The following RAB27B variants were observed in gnomAD, a reference collection of about 807,000 sequenced individuals.
RAB27B encodes ras-related protein Rab-27B.
Under a neutral mutation model 24.6 loss-of-function variants are expected in RAB27B, and 15 were observed. The ratio of observed to expected loss-of-function variants is 0.61; its 90% CI spans 0.41 to 0.94. The LOEUF is 0.94. Among genes scored for constraint, RAB27B ranks in the 40% least tolerant of loss-of-function variants. RAB27B has a pLI of 0.00. For synonymous variants in RAB27B, 105 were observed against 92.5 expected, an observed-to-expected ratio of 1.14 and a Z score of -0.78; for missense variants, 261 against 266.8, an observed-to-expected ratio of 0.98 and a Z score of 0.15.
At chr18:54,807,276 T>A (rs1909821388) in intron 2 of RAB27B, among the ~76,000 whole-genome samples, 1 of 152,206 alleles carries the variant, frequency 6.6e-6, no homozygotes, top group Non-Finnish European at 1.5e-5. Context: ...TTTCAGTATT[T>A]TTTCCTGCTC....
chr18:54,859,345 G>T (rs1450668411), intron 1 of RAB27B, among the ~76,000 whole-genome samples: 1 of 152,114 alleles, frequency 6.6e-6, no homozygotes, highest in Non-Finnish European at 1.5e-5. Context: ...CCATATGAAG[G>T]TCCCTGTCCC....
At chr18:54,815,565 A>T (rs1480084410) in intron 2 of RAB27B, among the ~76,000 whole-genome samples, 3 of 152,178 alleles carry the variant, frequency 2.0e-5, no homozygotes, top group Admixed American at 1.3e-4. Flanking sequence ...TCTAAAATCA[A>T]TTTATTGATT....
intron 2 of RAB27B, among the ~76,000 whole-genome samples, chr18:54,810,975 T>C (rs1477770585): frequency 6.6e-6 from 1 of 152,150 alleles, no homozygotes; most frequent in East Asian, 1.9e-4. Flanking sequence ...AAATTATCTT[T>C]GTATCGTCAG....
At chr18:54,833,911 G>T (rs1910792951) in intron 1 of RAB27B, among the ~76,000 whole-genome samples, 1 of 152,176 alleles carries the variant, frequency 6.6e-6, no homozygotes, top group Non-Finnish European at 1.5e-5. Context: ...CAATGGGGAA[G>T]AGTCATTGCA....
intron 2 of RAB27B, among the ~76,000 whole-genome samples, chr18:54,772,671 AT>A (rs895588691): frequency 2.0e-5 from 3 of 152,100 alleles, no homozygotes; most frequent in African/African-American, 7.3e-5. Flanking sequence ...TTTATTAATT[AT>A]TTAAAAAACC....
rs377553924 is a variant in RAB27B, at chr18:54,846,193, A to G, written c.-20+17493A>G. On this transcript the variant is annotated intron_variant, in intron 1 of 5. Transcript: ENST00000262094. Reference sequence around the variant, plus strand: ...GAAGATACATAGATAAGTTTCGTTCAGGCATGAGTTATAGTGCTGTTGACG... The same window carrying G: ...GAAGATACATAGATAAGTTTCGTTCGGGCATGAGTTATAGTGCTGTTGACG... Among the ~76,000 whole-genome samples the G allele has an allele frequency of 1.4e-3, 207 of 152,348 alleles. 5 individuals carry two copies. The South Asian group carries it at 0.036, about 27-fold the overall frequency.
chr18:54,854,748 A>T (rs1423036172), intron 1 of RAB27B, among the ~76,000 whole-genome samples: 1 of 152,214 alleles, frequency 6.6e-6, no homozygotes, highest in South Asian at 2.1e-4. Context: ...GTACCACACA[A>T]GCTTCATCCT....
chr18:54,806,048 T>C (rs990011268), intron 2 of RAB27B, among the ~76,000 whole-genome samples: 8 of 152,202 alleles, frequency 5.3e-5, no homozygotes, highest in Non-Finnish European at 1.0e-4. Context: ...TGTGAAAATA[T>C]GAATGATATA....
At chr18:54,753,651 G>C (rs1907907167) in intron 2 of RAB27B, among the ~76,000 whole-genome samples, 1 of 149,690 alleles carries the variant, frequency 6.7e-6, no homozygotes, top group African/African-American at 2.4e-5. Flanking sequence ...TCTTCACCCA[G>C]ATTTTTCCCT....
chr18:54,844,886 T>C (rs1911267557), intron 1 of RAB27B, among the ~76,000 whole-genome samples: 1 of 152,172 alleles, frequency 6.6e-6, no homozygotes, highest in African/African-American at 2.4e-5. Context: ...TGGGTGTTGC[T>C]GTGAAAATGG....
chr18:54,771,226 G>T (rs1163488006), intron 2 of RAB27B, among the ~76,000 whole-genome samples: 1 of 152,058 alleles, frequency 6.6e-6, no homozygotes, highest in Non-Finnish European at 1.5e-5. Context: ...AACACTAATT[G>T]GTTTTCATAA....
chr18:54,864,581 T>C (rs924858512), intron 1 of RAB27B, among the ~76,000 whole-genome samples: 1 of 152,176 alleles, frequency 6.6e-6, no homozygotes, highest in Non-Finnish European at 1.5e-5. Context: ...TCTAAGAGTT[T>C]CATAGTTTTA....
At chr18:54,860,371 T>TCTGCTTCCATCCC (rs1474406417) in intron 1 of RAB27B, among the ~76,000 whole-genome samples, 10 of 152,142 alleles carry the variant, frequency 6.6e-5, no homozygotes, top group African/African-American at 9.7e-5. Flanking sequence ...CCCTAAAGCT[T>TCTGCTTCCATCCC]CTGCTTCCAT....
At chr18:54,781,026 G>T (rs1452768358) in intron 2 of RAB27B, among the ~76,000 whole-genome samples, 1 of 152,160 alleles carries the variant, frequency 6.6e-6, no homozygotes, top group Non-Finnish European at 1.5e-5. Context: ...CATGCACAGT[G>T]TGGGTCTCTT....
chr18:54,848,624 A>G (rs1911432697), intron 1 of RAB27B, among the ~76,000 whole-genome samples: 1 of 152,248 alleles, frequency 6.6e-6, no homozygotes, highest in South Asian at 2.1e-4. Context: ...ATACAATTAA[A>G]TGGAGATGCA....
intron 2 of RAB27B, among the ~76,000 whole-genome samples, chr18:54,791,938 A>T (rs1909261262): frequency 6.6e-6 from 1 of 152,168 alleles, no homozygotes; most frequent in Admixed American, 6.5e-5. Context: ...ACTCCAGGGG[A>T]AAACCATCTC....
intron 2 of RAB27B, among the ~76,000 whole-genome samples, chr18:54,722,080 A>G (rs1162602138): frequency 1.3e-5 from 2 of 152,222 alleles, no homozygotes; most frequent in African/African-American, 4.8e-5. Flanking sequence ...TTTCTATGAC[A>G]CTATGGAAGA....
intron 2 of RAB27B, among the ~76,000 whole-genome samples, chr18:54,749,026 C>T (rs1467724145): frequency 6.6e-6 from 1 of 152,092 alleles, no homozygotes; most frequent in African/African-American, 2.4e-5. Flanking sequence ...GTAAAGTTCC[C>T]CAGGTAACTT....
At chr18:54,802,340 G>C (rs768402669) in intron 2 of RAB27B, among the ~76,000 whole-genome samples, 37 of 151,896 alleles carry the variant, frequency 2.4e-4, no homozygotes, top group Admixed American at 3.9e-4. Context: ...CCAGTGCTTG[G>C]GGTACTGTCA....
Sources: gnomAD v4.1 joint callset for allele counts (sites outside exome capture counted in the v4.1 genomes callset) on GRCh38, gnomAD v4.1.1 for gene constraint, MANE v1.5 for transcripts, NCBI Gene and HGNC (gene_info 2026-07-23, HGNC 2026-07-21) for gene names.